SNF8: variants seen among roughly 807,000 people sequenced by gnomAD.
SNF8 encodes SNF8 subunit of ESCRT-II.
SNF8 carries 19 observed loss-of-function variants against 36.8 expected under a neutral mutation model. That is an observed-to-expected ratio of 0.52 (90% CI 0.36 to 0.76). SNF8 has a LOEUF of 0.76. Ranked by LOEUF, SNF8 falls within the 30% of genes least tolerant of loss-of-function variation. The pLI, the probability that SNF8 is intolerant of heterozygous loss-of-function variation, is 0.00. For synonymous variants in SNF8, 127 were observed against 127.4 expected (o/e 1.00, Z 0.02); for missense variants, 268 against 322.9 (o/e 0.83, Z 1.30).
chr17:48,937,071 G>A lies in SNF8; in HGVS notation c.298C>T (p.Leu100=). The part of the protein sequence containing the change: ...MLGVGDFYYE[L]GVQIIEVCLA... ...CACACTTCGATAATTTGGACACCTA[G>A]TTCGTAATAGAAGTCCCCCACGCCC... Residue 100 remains leucine, a synonymous_variant, in exon 4 of 8, where the codon CTA becomes TTA. Transcript: ENST00000502492. The A allele has an allele frequency of 6.2e-7, 1 of 1,614,154 alleles. No homozygotes were observed. Among genetic ancestry groups the A allele is most frequent in the Non-Finnish European group, 8.5e-7 (1 of 1,180,030 alleles).
At chr17:48,937,311 G>A (rs1300879254) in intron 3 of SNF8, 187 bp from the exon 4 acceptor site, 5 of 697,370 alleles carry the variant, frequency 7.2e-6, no homozygotes, top group South Asian at 4.5e-5. Context: ...AGGGTCAGAC[G>A]GCTCCAGAGG....
intron 5 of SNF8, among the ~76,000 whole-genome samples, chr17:48,934,832 G>T (rs1432649992): frequency 6.6e-6 from 1 of 152,130 alleles, no homozygotes; most frequent in East Asian, 1.9e-4. Flanking sequence ...TAGGATTACA[G>T]GTGTAAGCTA....
At chr17:48,930,751 C>T in intron 7 of SNF8, 139 bp from the exon 8 acceptor site, 3 of 864,416 alleles carry the variant, frequency 3.5e-6, no homozygotes, top group Non-Finnish European at 5.2e-6. Flanking sequence ...AACCTTTACA[C>T]AACCAACTAA....
At chr17:48,936,862 C>G (rs1386476303) in intron 4 of SNF8, 158 bp downstream of exon 4, 2 of 677,566 alleles carry the variant, frequency 3.0e-6, no homozygotes, top group Non-Finnish European at 5.3e-6. Flanking sequence ...TACCCTTGGC[C>G]ATGGAGACTT....
rs2040885791 is a variant in SNF8, at chr17:48,933,252, G to A, written c.517C>T (p.Pro173Ser). 1.2e-6 allele frequency: 2 copies of A among 1,613,968 alleles called. No homozygotes were observed. Among genetic ancestry groups the A allele is most frequent in the Admixed American group, 3.3e-5 (2 of 59,996 alleles). The change falls in exon 6 of 8, where the codon CCA becomes TCA. Residue 173 changes from proline (P) to serine (S), a missense_variant. Coordinates refer to ENST00000502492, the MANE Select transcript of SNF8 (RefSeq NM_007241.4). ...VGGTYLIQSV[P>S]AELNMDHTVV... ...GTGTGATCCATATTGAGCTCAGCTG[G>A]AACAGACTGAATGAGGTAAGTGCCG...
In SNF8 at chr17:48,937,185, A is replaced by C. The variant is rs1186510081; in HGVS notation, c.245-61T>G. On this transcript the variant is annotated intron_variant, in intron 3 of 7. Transcript: ENST00000502492. Reference sequence around the variant, plus strand: ...TAATTTACATCCCTTCTTTTCTTTCAAACCTGCATTAAAACATCTATCATA... The same window carrying C: ...TAATTTACATCCCTTCTTTTCTTTCCAACCTGCATTAAAACATCTATCATA... 3.2e-6 allele frequency: 4 copies of C among 1,266,008 alleles called. No individual in the cohort carries two copies. In the East Asian group the frequency reaches 6.9e-5, roughly 22 times the overall value. The allele number at this position is 1,266,008 out of a possible 1,614,324, so 78.4% of individuals were successfully genotyped here. A position where few individuals can be genotyped will look rare whatever the true frequency, so the allele number is the denominator to read the frequency against.
rs896912857 is a variant in SNF8 at position 48,933,118 on chromosome 17, T to A, written c.564+87A>T. 10 of 1,471,444 alleles carry A rather than the reference T, an allele frequency of 6.8e-6. No individual in the cohort carries two copies. In the African/African-American group the frequency reaches 6.9e-5, roughly 10 times the overall value. 91.1% of individuals were successfully genotyped at this position (1,471,444 alleles called of 1,614,324 possible). ...GGATAGTCTCAGCAAAAGACCTGCA[T>A]AATGGGGAGCACGAGCTGAGAACTG... On this transcript the variant is annotated intron_variant, in intron 6 of 7. Coordinates refer to ENST00000502492, the MANE Select transcript of SNF8 (RefSeq NM_007241.4).
chr17:48,936,147 A>G (rs777671125), intron 5 of SNF8, 23 bp downstream of exon 5: 10 of 1,585,242 alleles, frequency 6.3e-6, no homozygotes, highest in Middle Eastern at 3.3e-4. Flanking sequence ...CTGTACTCCA[A>G]GGGATTGGAA....
intron 7 of SNF8, 64 bp from the exon 8 acceptor site, chr17:48,930,676 A>T: frequency 2.6e-6 from 4 of 1,532,060 alleles, no homozygotes; most frequent in Non-Finnish European, 3.5e-6. Flanking sequence ...AAGGGTAGGT[A>T]AGCAACCCCC....
In SNF8 at chr17:48,930,332, G is replaced by C. The variant is rs2040838277; in HGVS notation, c.*143C>G. 1.3e-5 allele frequency: 12 copies of C among 900,036 alleles called. No individual in the cohort carries two copies. The South Asian group carries it at 2.9e-4, about 22-fold the overall frequency. 55.8% of individuals were successfully genotyped at this position (900,036 alleles called of 1,614,324 possible). A position where few individuals can be genotyped will look rare whatever the true frequency, so the allele number is the denominator to read the frequency against. ...TCCTCCAATAAAAATGCAACGTGAA[G>C]GCACTTTTCAAAAATAAAAGAATGA... On this transcript the variant is annotated 3_prime_UTR_variant, in exon 8 of 8. Coordinates refer to ENST00000502492, the MANE Select transcript of SNF8 (RefSeq NM_007241.4).
chr17:48,940,819 C>T, intron 3 of SNF8, 105 bp downstream of exon 3: 1 of 1,318,898 alleles, frequency 7.6e-7, no homozygotes, highest in Non-Finnish European at 1.1e-6. Context: ...GGTCTTCCTG[C>T]AGGCCTTTCT....
chr17:48,933,407 C>T (rs1448550522), intron 5 of SNF8, 61 bp from the exon 6 acceptor site: 1 of 1,591,460 alleles, frequency 6.3e-7, no homozygotes, highest in African/African-American at 1.3e-5. Context: ...AACACAGTTT[C>T]AGCTCTGCCC....
At chr17:48,937,891 A>G (rs2040959438) in intron 3 of SNF8, among the ~76,000 whole-genome samples, 1 of 152,074 alleles carries the variant, frequency 6.6e-6, no homozygotes, top group Admixed American at 6.6e-5. Context: ...ACGCCACTGC[A>G]CTCCAGCCTG....
Position 48,930,336 on chromosome 17 carries a change from CT to C in SNF8, c.*138del. The C allele has an allele frequency of 4.9e-6, 5 of 1,030,086 alleles. No individual in the cohort carries two copies. The highest frequency in any genetic ancestry group is 6.6e-6 in the Non-Finnish European group (5 of 754,062). The allele number at this position is 1,030,086 out of a possible 1,614,324, so 63.8% of individuals were successfully genotyped here. Reference sequence around the variant, plus strand: ...CCAATAAAAATGCAACGTGAAGGCACTTTTCAAAAATAAAAGAATGAGGGAA... The same window carrying C: ...CCAATAAAAATGCAACGTGAAGGCACTTTCAAAAATAAAAGAATGAGGGAA... On this transcript the variant is annotated 3_prime_UTR_variant, in exon 8 of 8. Coordinates refer to ENST00000502492, the MANE Select transcript of SNF8 (RefSeq NM_007241.4).
intron 3 of SNF8, 37 bp downstream of exon 3, chr17:48,940,887 C>G (rs755491286): frequency 6.2e-7 from 1 of 1,605,302 alleles, no homozygotes; most frequent in Non-Finnish European, 8.5e-7. Flanking sequence ...CTCAGGTACT[C>G]TATAAGAACG....
At chr17:48,943,155 A>G (rs1036184832) in intron 2 of SNF8, among the ~76,000 whole-genome samples, 1 of 151,010 alleles carries the variant, frequency 6.6e-6, no homozygotes, top group Non-Finnish European at 1.5e-5. Context: ...CATATGCCAC[A>G]GCACCCGGCT....
chr17:48,943,068 G>T (rs1326763931), intron 2 of SNF8, among the ~76,000 whole-genome samples: 2 of 149,682 alleles, frequency 1.3e-5, no homozygotes, highest in Non-Finnish European at 3.0e-5. Flanking sequence ...GTTTCGCCAT[G>T]TTGGCCAGGC....
chr17:48,937,630 C>CCAAA, intron 3 of SNF8, among the ~76,000 whole-genome samples: 1 of 143,210 alleles, frequency 7.0e-6, no homozygotes, highest in Admixed American at 7.0e-5. Context: ...AACTCTCTCT[C>CCAAA]AAAAAAAAAA....
In SNF8 at chr17:48,936,981, A is replaced by G. The variant is rs144811357; in HGVS notation, c.349+39T>C. On this transcript the variant is annotated intron_variant, in intron 4 of 7. Transcript: ENST00000502492. ...TTTTACGGTTTTCTCCCTCTCAGAG[A>G]AGTCCAGAGTCCAGTTCACAGGACC... 804 of 1,395,534 alleles carry G rather than the reference A, an allele frequency of 5.8e-4. 2 individuals are homozygous for G. The African/African-American group carries it at 0.01, about 18-fold the overall frequency. 86.4% of individuals were successfully genotyped at this position (1,395,534 alleles called of 1,614,324 possible).
Sources: allele counts gnomAD v4.1 joint callset (sites outside exome capture counted in the v4.1 genomes callset), GRCh38; gene constraint gnomAD v4.1.1; transcripts MANE v1.5; gene names NCBI Gene and HGNC (gene_info 2026-07-23, HGNC 2026-07-21).